MESD: variants seen among roughly 807,000 people sequenced by gnomAD.
MESD encodes the protein mesoderm development LRP chaperone.
MESD carries 7 observed loss-of-function variants against 12.9 expected under a neutral mutation model. The observed-to-expected ratio is 0.54, with a 90% CI of 0.31 to 1.02. The LOEUF is 1.02. Among genes scored for constraint, MESD ranks in the 50% least tolerant of loss-of-function variants. The pLI is 0.05. For synonymous variants in MESD, 126 were observed against 115.6 expected (o/e 1.09, Z -0.58); for missense variants, 342 against 296.7 (o/e 1.15, Z -1.12).
At chr15:80,963,757 A>C (rs1386237831) in intron 3 of MESD, among the ~76,000 whole-genome samples, 2 of 152,330 alleles carry the variant, frequency 1.3e-5, no homozygotes, top group African/African-American at 4.8e-5. Flanking sequence ...GATGCAAAAA[A>C]GGCCTTCGAG....
At chr15:80,966,686 C>T (rs1902181518) in intron 3 of MESD, among the ~76,000 whole-genome samples, 1 of 152,240 alleles carries the variant, frequency 6.6e-6, no homozygotes, top group Non-Finnish European at 1.5e-5. Context: ...GGAAGCTTTT[C>T]TCTGGCCTCC....
At chr15:80,967,034 T>G (rs1162683164) in intron 3 of MESD, among the ~76,000 whole-genome samples, 1 of 152,160 alleles carries the variant, frequency 6.6e-6, no homozygotes, top group African/African-American at 2.4e-5. Flanking sequence ...GGCTCACTCC[T>G]GTAATCCTAG....
chr15:80,974,673 G>C (rs1377695989), downstream of MESD, among the ~76,000 whole-genome samples: 1 of 149,656 alleles, frequency 6.7e-6, no homozygotes, highest in African/African-American at 2.4e-5. Context: ...CCAAAATAAT[G>C]GGGGAGGGGG....
At chr15:80,968,474 T>G (rs1254059332) in intron 3 of MESD, among the ~76,000 whole-genome samples, 1 of 152,170 alleles carries the variant, frequency 6.6e-6, no homozygotes, top group Admixed American at 6.5e-5. Flanking sequence ...TCTAGTCACC[T>G]GAAGCACAAA....
chr15:80,953,058 G>C (rs1412125128), intron 3 of MESD: 3 of 456,084 alleles, frequency 6.6e-6, no homozygotes, highest in South Asian at 4.6e-5. Context: ...AGATGGATAA[G>C]AGAAGGGCCT....
chr15:80,967,161 G>A (rs1902190801), intron 3 of MESD, among the ~76,000 whole-genome samples: 2 of 152,098 alleles, frequency 1.3e-5, no homozygotes, highest in African/African-American at 2.4e-5. Flanking sequence ...GCATGGTGGT[G>A]CATGCTTGTA....
intron 3 of MESD, among the ~76,000 whole-genome samples, chr15:80,962,432 G>C (rs547267922): frequency 1.3e-5 from 2 of 152,110 alleles, no homozygotes; most frequent in Non-Finnish European, 2.9e-5. Context: ...GACAGATCGA[G>C]ACAGAAAATT....
rs1466684991 is a variant in MESD, at chr15:80,978,893, T to C, written c.*326A>G. The C allele has an allele frequency of 8.5e-6, 3 of 353,330 alleles. No individual in the cohort carries two copies. Among genetic ancestry groups the C allele is most frequent in the Non-Finnish European group, 1.5e-5 (3 of 193,556 alleles). 21.9% of individuals were successfully genotyped at this position (353,330 alleles called of 1,614,324 possible). On this transcript the variant is annotated 3_prime_UTR_variant, in exon 3 of 3. Transcript: ENST00000261758. ...AGGCCACCCAATCACAGCAGGTGCT[T>C]GGAGGGGAGTGGAATCTCAGTAGAG... is the stretch of plus-strand genomic sequence containing the variant.
chr15:80,983,442 A>G (rs2141814535), intron 1 of MESD, among the ~76,000 whole-genome samples: 2 of 152,306 alleles, frequency 1.3e-5, no homozygotes, highest in South Asian at 4.1e-4. Flanking sequence ...GAAAAGGAGT[A>G]AACATATTGA....
At chr15:80,961,493 C>G (rs1012813045) in intron 3 of MESD, among the ~76,000 whole-genome samples, 5 of 152,136 alleles carry the variant, frequency 3.3e-5, no homozygotes, top group African/African-American at 1.2e-4. Context: ...GAAATGAATG[C>G]TCCTAGACAA....
intron 3 of MESD, among the ~76,000 whole-genome samples, chr15:80,960,863 C>A (rs1332679494): frequency 1.3e-5 from 2 of 152,180 alleles, no homozygotes; most frequent in Non-Finnish European, 2.9e-5. Flanking sequence ...AGCAGCTGTT[C>A]CCTGGCCCTC....
At chr15:80,984,931 C>T (rs1262308053) in intron 1 of MESD, among the ~76,000 whole-genome samples, 2 of 152,222 alleles carry the variant, frequency 1.3e-5, no homozygotes, top group African/African-American at 2.4e-5. Context: ...GTGATCCATA[C>T]CGACGTCAGA....
chr15:80,968,016 T>A (rs1902208182), intron 3 of MESD, among the ~76,000 whole-genome samples: 1 of 152,218 alleles, frequency 6.6e-6, no homozygotes, highest in South Asian at 2.1e-4. Context: ...TTCTGGCTTG[T>A]GACACTTGCG....
chr15:80,972,284 AGG>A (rs1235394127), downstream of MESD, among the ~76,000 whole-genome samples: 3 of 152,230 alleles, frequency 2.0e-5, no homozygotes, highest in Non-Finnish European at 4.4e-5. Context: ...TCGAACACTT[AGG>A]GCAAGTGTAG....
At chr15:80,975,218 A>C (rs1057464430), downstream of MESD, among the ~76,000 whole-genome samples, 1 of 148,816 alleles carries the variant, frequency 6.7e-6, no homozygotes, top group Non-Finnish European at 1.5e-5. Flanking sequence ...CAAAAAAAAA[A>C]AACAAAAAAA....
At chr15:80,963,061 A>G (rs867455565) in intron 3 of MESD, among the ~76,000 whole-genome samples, 13 of 152,312 alleles carry the variant, frequency 8.5e-5, no homozygotes, top group African/African-American at 3.1e-4. Flanking sequence ...GGTTTTTGAA[A>G]AGATCAACAA....
chr15:80,956,618 A>G (rs1411363891), intron 3 of MESD, among the ~76,000 whole-genome samples: 3 of 152,230 alleles, frequency 2.0e-5, no homozygotes, highest in Admixed American at 6.5e-5. Flanking sequence ...CCCTAAAACC[A>G]CAAAGATATT....
At chr15:80,960,412 GT>G (rs1199757999) in intron 3 of MESD, among the ~76,000 whole-genome samples, 1 of 147,926 alleles carries the variant, frequency 6.8e-6, no homozygotes, top group African/African-American at 2.5e-5. Context: ...CTCTTTCCCA[GT>G]TTGTACCTTT....
intron 3 of MESD, chr15:80,953,029 G>T: frequency 2.2e-6 from 1 of 456,078 alleles, no homozygotes; most frequent in South Asian, 1.5e-5. Context: ...AGTAGGACAG[G>T]TGTTGGCCTG....
Sources: gnomAD v4.1 joint callset for allele counts (sites outside exome capture counted in the v4.1 genomes callset) on GRCh38, gnomAD v4.1.1 for gene constraint, MANE v1.5 for transcripts, NCBI Gene and HGNC (gene_info 2026-07-23, HGNC 2026-07-21) for gene names.